The following PDZRN4 variants were observed in gnomAD, a reference collection of about 807,000 sequenced individuals.
The protein encoded by PDZRN4 is PDZ domain containing ring finger 4.
A neutral mutation model predicts 99.0 loss-of-function variants in PDZRN4; 70 were observed. The observed-to-expected ratio is 0.71, with a 90% CI of 0.58 to 0.86. The LOEUF (loss-of-function observed/expected upper bound fraction) is 0.86, where lower values mean the gene tolerates loss of function less well. Among genes scored for constraint, PDZRN4 ranks in the 40% least tolerant of loss-of-function variants. The probability of loss-of-function intolerance (pLI) is 0.00; values close to 1 mark genes in which losing one functional copy is unlikely to be tolerated. For synonymous variants in PDZRN4, 551 were observed against 501.6 expected (o/e 1.10, Z -1.32); for missense variants, 1,474 against 1,331.2 (o/e 1.11, Z -1.67).
At chr12:41,470,178 G>T (rs1384638529) in intron 3 of PDZRN4, among the ~76,000 whole-genome samples, 1 of 152,020 alleles carries the variant, frequency 6.6e-6, no homozygotes, top group African/African-American at 2.4e-5. Context: ...TTTCAGTTTT[G>T]TGGATACAAT....
At chr12:41,231,499 A>C (rs1369445589) in intron 3 of PDZRN4, among the ~76,000 whole-genome samples, 1 of 152,076 alleles carries the variant, frequency 6.6e-6, no homozygotes, top group Non-Finnish European at 1.5e-5. Context: ...TGATGGTGGC[A>C]TGCAAATAGA....
intron 5 of PDZRN4, among the ~76,000 whole-genome samples, chr12:41,513,158 T>A (rs536807342): frequency 6.6e-6 from 1 of 152,036 alleles, no homozygotes; most frequent in African/African-American, 2.4e-5. Context: ...TAAATACATA[T>A]TTAGGGACTT....
chr12:41,374,162 AGGT>A (rs1952063298), intron 3 of PDZRN4, among the ~76,000 whole-genome samples: 1 of 44,178 alleles, frequency 2.3e-5, no homozygotes, highest in African/African-American at 5.0e-5. Flanking sequence ...AAAATGCCTG[AGGT>A]ACATGAACAG....
chr12:41,555,778 T>G lies in PDZRN4; in HGVS notation c.1365+18T>G. 2 of 1,577,652 alleles carry G rather than the reference T, an allele frequency of 1.3e-6. No individual in the cohort carries two copies. The highest frequency in any genetic ancestry group is 1.3e-5 in the African/African-American group (1 of 74,312). On this transcript the variant is annotated intron_variant, in intron 7 of 9. Transcript: ENST00000402685. Reference sequence around the variant, plus strand: ...TTTTGCAAGTAGGTGGTATAGTAATTTCCTTTAGTTCCCCACGATCTGTCC... The same window carrying G: ...TTTTGCAAGTAGGTGGTATAGTAATGTCCTTTAGTTCCCCACGATCTGTCC...
chr12:41,345,012 C>A (rs1489628544), intron 3 of PDZRN4, among the ~76,000 whole-genome samples: 6 of 152,100 alleles, frequency 3.9e-5, no homozygotes, highest in African/African-American at 1.4e-4. Flanking sequence ...GGAGACATTT[C>A]AGGCTCTTAG....
intron 3 of PDZRN4, among the ~76,000 whole-genome samples, chr12:41,401,489 A>C (rs1952288163): frequency 6.6e-6 from 1 of 152,122 alleles, no homozygotes; most frequent in African/African-American, 2.4e-5. Flanking sequence ...TTTACTATCC[A>C]TTAATTATCG....
chr12:41,295,712 G>A (rs368402663), intron 3 of PDZRN4, among the ~76,000 whole-genome samples: 3 of 152,204 alleles, frequency 2.0e-5, no homozygotes, highest in African/African-American at 7.2e-5. Context: ...CTAGTTTGAG[G>A]TACTATGAAG....
intron 3 of PDZRN4, among the ~76,000 whole-genome samples, chr12:41,341,709 T>C (rs1057143075): frequency 2.0e-5 from 3 of 151,566 alleles, no homozygotes; most frequent in African/African-American, 7.3e-5. Context: ...AAAACACAAA[T>C]AAATGAAAAG....
chr12:41,472,153 G>C (rs1340768487), intron 3 of PDZRN4, among the ~76,000 whole-genome samples: 1 of 151,990 alleles, frequency 6.6e-6, no homozygotes, highest in Non-Finnish European at 1.5e-5. Context: ...ACAGGCATGT[G>C]CCACCACACC....
chr12:41,311,116 T>C (rs779669858), intron 3 of PDZRN4, among the ~76,000 whole-genome samples: 13 of 152,192 alleles, frequency 8.5e-5, no homozygotes, highest in African/African-American at 1.7e-4. Context: ...ATTATCCTTG[T>C]CAACAATTTA....
intron 3 of PDZRN4, among the ~76,000 whole-genome samples, chr12:41,275,826 TAAAA>T (rs1174249755): frequency 1.4e-4 from 22 of 152,296 alleles, no homozygotes; most frequent in African/African-American, 5.3e-4. Flanking sequence ...TTTCACTTTT[TAAAA>T]TAAAAATGGA....
chr12:41,200,346 T>C (rs1305558223), intron 3 of PDZRN4, among the ~76,000 whole-genome samples: 2 of 152,164 alleles, frequency 1.3e-5, no homozygotes, highest in Non-Finnish European at 2.9e-5. Flanking sequence ...AACTAGGTGG[T>C]CATCGTGGTT....
chr12:41,519,568 C>T (rs1938457633), intron 5 of PDZRN4, among the ~76,000 whole-genome samples: 1 of 151,930 alleles, frequency 6.6e-6, no homozygotes, highest in African/African-American at 2.4e-5. Flanking sequence ...TATGAATGAT[C>T]GTGTCACTCC....
chr12:41,366,325 C>T (rs1424140089), intron 3 of PDZRN4, among the ~76,000 whole-genome samples: 1 of 152,122 alleles, frequency 6.6e-6, no homozygotes, highest in African/African-American at 2.4e-5. Flanking sequence ...AGTGTTATTA[C>T]TTGCCAGCCA....
rs749519092 is a variant in PDZRN4, at chr12:41,509,798, A to G, written c.1101-13A>G. ...TTTAATCTATTCCTATCATATTGCT[A>G]CATTCCCCATAGCTGCCATTCTCTA... On this transcript the variant is annotated splice_polypyrimidine_tract_variant and intron_variant, in intron 4 of 9. Coordinates refer to ENST00000402685, the MANE Select transcript of PDZRN4 (RefSeq NM_001164595.2). 4 of 1,268,882 alleles carry G rather than the reference A, an allele frequency of 3.2e-6. No individual in the cohort carries two copies. The highest frequency in any genetic ancestry group is 2.3e-5 in the East Asian group (1 of 43,044). The allele number at this position is 1,268,882 out of a possible 1,614,324, so 78.6% of individuals were successfully genotyped here.
chr12:41,361,964 C>T (rs1327382473), intron 3 of PDZRN4, among the ~76,000 whole-genome samples: 4 of 151,928 alleles, frequency 2.6e-5, no homozygotes, highest in Admixed American at 2.0e-4. Flanking sequence ...TGGATGAAGC[C>T]ATTTGTTGGC....
In PDZRN4 at chr12:41,506,559, TTAG is replaced by T; in HGVS notation, c.951_953del (p.Ser317del). The T allele has an allele frequency of 1.9e-6, 3 of 1,613,834 alleles. No homozygotes were observed. The highest frequency in any genetic ancestry group is 2.5e-6 in the Non-Finnish European group (3 of 1,179,864). ...GTGCAGGTGTTAAGGCGAACACCTC[TTAG>T]TAGACCAGCCTATGGGATGGCTTCA... On this transcript the variant is annotated inframe_deletion, in exon 4 of 10. Coordinates refer to ENST00000402685, the MANE Select transcript of PDZRN4 (RefSeq NM_001164595.2).
chr12:41,462,684 T>C (rs1328427534), intron 3 of PDZRN4, among the ~76,000 whole-genome samples: 1 of 152,152 alleles, frequency 6.6e-6, no homozygotes, highest in Non-Finnish European at 1.5e-5. Flanking sequence ...AAATCAAGTT[T>C]AAAAAATGTG....
chr12:41,384,025 C>T (rs978227255), intron 3 of PDZRN4, among the ~76,000 whole-genome samples: 10 of 105,980 alleles, frequency 9.4e-5, no homozygotes, highest in African/African-American at 1.3e-4. Context: ...TTTTTTGAGA[C>T]GGAATCTCTG....
Sources: gnomAD v4.1 joint callset for allele counts (sites outside exome capture counted in the v4.1 genomes callset) on GRCh38, gnomAD v4.1.1 for gene constraint, MANE v1.5 for transcripts, NCBI Gene and HGNC (gene_info 2026-07-23, HGNC 2026-07-21) for gene names.